The following CEP192 variants were observed in gnomAD, a reference collection of about 807,000 sequenced individuals.
CEP192 encodes centrosomal protein of 192 kDa.
CEP192 carries 151 observed loss-of-function variants against 271.8 expected under a neutral mutation model. The ratio of observed to expected loss-of-function variants is 0.56; its 90% CI spans 0.49 to 0.64. CEP192 has a LOEUF of 0.64. CEP192 is among the 30% of genes least tolerant of loss of function. The probability of loss-of-function intolerance (pLI) is 0.00; values close to 1 mark genes in which losing one functional copy is unlikely to be tolerated. For missense variants in CEP192, 2,910 were observed against 3,020.5 expected (o/e 0.96, Z 0.86); for synonymous variants, 995 against 1,076.5 (o/e 0.92, Z 1.48).
At chr18:13,079,940 G>A (rs2038500430) in intron 30 of CEP192, among the ~76,000 whole-genome samples, 1 of 152,094 alleles carries the variant, frequency 6.6e-6, no homozygotes, top group Non-Finnish European at 1.5e-5. Flanking sequence ...GAGATCAGAT[G>A]GTTGTAGATG....
intron 30 of CEP192, among the ~76,000 whole-genome samples, chr18:13,081,231 G>A (rs1173648806): frequency 1.3e-5 from 2 of 152,116 alleles, no homozygotes; most frequent in Non-Finnish European, 1.5e-5. Flanking sequence ...GCTCCTCTTT[G>A]TACCTCTGGT....
In CEP192 at chr18:13,001,556, G is replaced by T; in HGVS notation, c.264G>T (p.Arg88Ser). The T allele has an allele frequency of 6.5e-7, 1 of 1,549,624 alleles. No individual in the cohort carries two copies. Among genetic ancestry groups the T allele is most frequent in the Non-Finnish European group, 8.7e-7 (1 of 1,146,378 alleles). ...GSQSDAEPRE[R>S]LQLSFQDDDS... ...AGAGTGATGCTGAACCAAGAGAGAG[G>T]TTACAGCTTAGCTTCCAGGATGATG... Residue 88 changes from arginine (R) to serine (S), a missense_variant, in exon 3 of 45, where the codon AGG (arginine) becomes AGT (serine). By Grantham distance (110) the Arg-to-Ser change is moderately radical. Coordinates refer to ENST00000506447, the MANE Select transcript of CEP192 (RefSeq NM_032142.4).
chr18:13,028,818 C>A (rs748111371), intron 9 of CEP192, among the ~76,000 whole-genome samples: 5 of 152,178 alleles, frequency 3.3e-5, no homozygotes, highest in Non-Finnish European at 7.3e-5. Flanking sequence ...CTGCGCCTGG[C>A]CTTGATGTTT....
At chr18:13,039,805 G>T (rs1463563013) in intron 13 of CEP192, among the ~76,000 whole-genome samples, 1 of 152,184 alleles carries the variant, frequency 6.6e-6, no homozygotes, top group Non-Finnish European at 1.5e-5. Flanking sequence ...CCCAGGTAGT[G>T]AAAGTCAGCA....
intron 6 of CEP192, among the ~76,000 whole-genome samples, chr18:13,015,832 A>G (rs966058059): frequency 5.6e-5 from 8 of 143,630 alleles, no homozygotes; most frequent in Non-Finnish European, 1.1e-4. Flanking sequence ...CACAACCTCC[A>G]CCTCCTGGGT....
At chr18:13,103,847 G>A (rs2039830473) in intron 39 of CEP192, 1 of 547,026 alleles carries the variant, frequency 1.8e-6, no homozygotes, top group African/African-American at 1.9e-5. Flanking sequence ...GCACCACCAT[G>A]TCCAGCTAAC....
chr18:13,050,118 G>A (rs2036699230), intron 17 of CEP192, among the ~76,000 whole-genome samples: 1 of 151,834 alleles, frequency 6.6e-6, no homozygotes, highest in African/African-American at 2.4e-5. Context: ...AACTAGTAAT[G>A]TTACAGACTG....
At chr18:12,992,665 G>A (rs2032943123) in intron 1 of CEP192, among the ~76,000 whole-genome samples, 1 of 152,224 alleles carries the variant, frequency 6.6e-6, no homozygotes. Flanking sequence ...GTTTACAAGT[G>A]TAATCTTTTC....
rs78332781 is a variant in CEP192 at position 12,993,598 on chromosome 18, G to T, written c.-5+2161G>T. ...TTTGGGCTCATGCTGTCCTTCCACCGTGGCCTCCTGAGTAGCTGGGACTCC... is the reference window on the plus strand; with the variant it reads ...TTTGGGCTCATGCTGTCCTTCCACCTTGGCCTCCTGAGTAGCTGGGACTCC... On this transcript the variant is annotated intron_variant, in intron 1 of 44. Coordinates refer to ENST00000506447, the MANE Select transcript of CEP192 (RefSeq NM_032142.4). Among the ~76,000 whole-genome samples, 869 of 152,258 alleles carry T rather than the reference G, an allele frequency of 5.7e-3. 43 individuals are homozygous for T. The East Asian group carries it at 0.11, about 19-fold the overall frequency.
chr18:13,046,362 G>A (rs1282611446), intron 15 of CEP192, among the ~76,000 whole-genome samples: 2 of 152,208 alleles, frequency 1.3e-5, no homozygotes, highest in African/African-American at 4.8e-5. Flanking sequence ...ATAAGATTTG[G>A]AGGGGCATCC....
intron 11 of CEP192, among the ~76,000 whole-genome samples, chr18:13,035,313 A>C (rs1479947055): frequency 6.6e-6 from 1 of 152,204 alleles, no homozygotes; most frequent in Non-Finnish European, 1.5e-5. Flanking sequence ...CATACCCGAA[A>C]CTGGGAACAA....
intron 39 of CEP192, chr18:13,103,863 GT>G: frequency 2.0e-6 from 1 of 509,626 alleles, no homozygotes; most frequent in Non-Finnish European, 3.8e-6. Flanking sequence ...CTAACTTTTT[GT>G]TTTTTTGTAG....
At chr18:13,058,562 T>C (rs2037238731) in intron 20 of CEP192, 1 of 153,544 alleles carries the variant, frequency 6.5e-6, no homozygotes, top group South Asian at 2.0e-4. Flanking sequence ...TGAAGACTTT[T>C]TGGGGGCATC....
intron 3 of CEP192, among the ~76,000 whole-genome samples, chr18:13,006,616 T>A (rs1266240747): frequency 6.6e-6 from 1 of 152,220 alleles, no homozygotes; most frequent in African/African-American, 2.4e-5. Context: ...TTCATTTTTA[T>A]TTTTGTCTCT....
chr18:13,013,645 A>AT (rs2034488203), intron 5 of CEP192, among the ~76,000 whole-genome samples: 1 of 152,164 alleles, frequency 6.6e-6, no homozygotes. Flanking sequence ...AGATAGAGGA[A>AT]TGCAAGTGAC....
intron 10 of CEP192, 22 bp downstream of exon 10, chr18:13,030,024 T>G (rs2035526863): frequency 6.7e-7 from 1 of 1,481,828 alleles, no homozygotes; most frequent in Non-Finnish European, 9.1e-7. Context: ...TTTTAAAAAA[T>G]AGAGTGAAAG....
At chr18:13,013,931 C>G (rs567840375) in intron 5 of CEP192, among the ~76,000 whole-genome samples, 1 of 152,196 alleles carries the variant, frequency 6.6e-6, no homozygotes, top group Non-Finnish European at 1.5e-5. Context: ...ATTGGCAAAC[C>G]ATAGCTTATG....
Position 13,001,482 on chromosome 18 carries a change from T to G in CEP192, c.190T>G (p.Leu64Val), listed in dbSNP as rs1381630946. Residue 64 changes from leucine (L) to valine (V), a missense_variant, in exon 3 of 45, where the codon TTA becomes GTA. Transcript: ENST00000506447. The stretch of plus-strand genomic sequence containing the variant: ...GTATCCTGATATCCAGGCATCTTAC[T>G]TAGTAGAAGGGAGATTTTCAGTTCC... ...NRYPDIQASY[L>V]VEGRFSVPSG... 2.6e-6 allele frequency: 4 copies of G among 1,548,318 alleles called. No individual in the cohort carries two copies. The highest frequency in any genetic ancestry group is 3.5e-6 in the Non-Finnish European group (4 of 1,144,752).
intron 40 of CEP192, among the ~76,000 whole-genome samples, chr18:13,111,101 T>C (rs900871707): frequency 7.9e-5 from 12 of 152,250 alleles, no homozygotes; most frequent in Non-Finnish European, 1.3e-4. Flanking sequence ...TTTGATCCAA[T>C]TGAGTTGACA....
Sources: gnomAD v4.1 joint callset for allele counts (sites outside exome capture counted in the v4.1 genomes callset) on GRCh38, gnomAD v4.1.1 for gene constraint, MANE v1.5 for transcripts, NCBI Gene and HGNC (gene_info 2026-07-23, HGNC 2026-07-21) for gene names.